The following CLIC4 variants were observed in gnomAD, a reference collection of about 807,000 sequenced individuals.
CLIC4 encodes the protein chloride intracellular channel protein 4.
In CLIC4, 13 loss-of-function variants were observed where a neutral mutation model predicts 24.6. That is an observed-to-expected ratio of 0.53 (90% CI 0.34 to 0.84). CLIC4 has a LOEUF of 0.84. Ranked by LOEUF, CLIC4 falls within the 40% of genes least tolerant of loss-of-function variation. The pLI, the probability that CLIC4 is intolerant of heterozygous loss-of-function variation, is 0.01. For synonymous variants in CLIC4, 104 were observed against 111.3 expected (o/e 0.93, Z 0.41); for missense variants, 227 against 301.7 (o/e 0.75, Z 1.83).
chr1:24,818,686 C>G (rs1639695819), intron 3 of CLIC4, among the ~76,000 whole-genome samples: 1 of 151,794 alleles, frequency 6.6e-6, no homozygotes, highest in Non-Finnish European at 1.5e-5. Context: ...GTAAATAAAA[C>G]ACAGTTCTTG....
chr1:24,794,174 A>G (rs996851610), intron 1 of CLIC4, among the ~76,000 whole-genome samples: 1 of 152,184 alleles, frequency 6.6e-6, no homozygotes, highest in South Asian at 2.1e-4. Flanking sequence ...TCTTTATGGT[A>G]GAATGATTTA....
intron 1 of CLIC4, among the ~76,000 whole-genome samples, chr1:24,769,551 A>T (rs1291176758): frequency 6.6e-6 from 1 of 152,110 alleles, no homozygotes; most frequent in Non-Finnish European, 1.5e-5. Context: ...AACTTTGTTT[A>T]TGTTATTTTT....
rs141331061 is a variant in CLIC4 at position 24,816,612 on chromosome 1, A to G, written c.308+2393A>G. On this transcript the variant is annotated intron_variant, in intron 3 of 5. Transcript: ENST00000374379. ...AGGTCACTTTGCTTTGCTCAGATCC[A>G]TCAGAGGAATCACTTTCTATGGCCT... 1.3e-3 allele frequency among the ~76,000 whole-genome samples: 193 copies of G among 152,318 alleles called. 2 individuals are homozygous for G. Among genetic ancestry groups the G allele is most frequent in the South Asian group, 4.8e-3 (23 of 4,830 alleles).
chr1:24,794,127 C>G (rs1317269310), intron 1 of CLIC4, among the ~76,000 whole-genome samples: 1 of 152,140 alleles, frequency 6.6e-6, no homozygotes, highest in Non-Finnish European at 1.5e-5. Context: ...TCTTTGCTAT[C>G]ATGAATAGTG....
intron 2 of CLIC4, among the ~76,000 whole-genome samples, chr1:24,813,038 C>CT (rs1639630410): frequency 7.9e-6 from 1 of 126,036 alleles, no homozygotes; most frequent in Non-Finnish European, 1.7e-5. Flanking sequence ...TTCTTTCTTT[C>CT]TTTCTTTCTT....
At chr1:24,819,489 G>A (rs1639704151) in intron 3 of CLIC4, among the ~76,000 whole-genome samples, 2 of 151,124 alleles carry the variant, frequency 1.3e-5, no homozygotes. Context: ...CCAGGCTGGA[G>A]TGCAATGGCA....
chr1:24,758,788 AATT>A (rs1485098148), intron 1 of CLIC4, among the ~76,000 whole-genome samples: 2 of 151,732 alleles, frequency 1.3e-5, no homozygotes, highest in African/African-American at 4.8e-5. Context: ...AGTTTGCATG[AATT>A]ATTATTTATT....
chr1:24,812,294 AT>A (rs1639622382), intron 2 of CLIC4, among the ~76,000 whole-genome samples: 1 of 152,164 alleles, frequency 6.6e-6, no homozygotes. Context: ...TAATTTTGAT[AT>A]TAGATAGTCT....
chr1:24,803,844 G>C (rs1321508526), intron 2 of CLIC4, among the ~76,000 whole-genome samples: 1 of 152,124 alleles, frequency 6.6e-6, no homozygotes, highest in African/African-American at 2.4e-5. Context: ...CTGGGACCTG[G>C]GGCGAGCTGC....
intron 2 of CLIC4, among the ~76,000 whole-genome samples, chr1:24,812,296 T>G (rs1260338879): frequency 6.6e-6 from 1 of 152,202 alleles, no homozygotes; most frequent in Admixed American, 6.5e-5. Context: ...ATTTTGATAT[T>G]AGATAGTCTA....
chr1:24,773,162 T>C (rs1054576414), intron 1 of CLIC4, among the ~76,000 whole-genome samples: 2 of 152,210 alleles, frequency 1.3e-5, no homozygotes, highest in African/African-American at 4.8e-5. Flanking sequence ...TCACCTGGAA[T>C]GTAATCTCTT....
chr1:24,837,433 A>G (rs895650495), intron 4 of CLIC4, among the ~76,000 whole-genome samples: 1 of 152,208 alleles, frequency 6.6e-6, no homozygotes, highest in African/African-American at 2.4e-5. Flanking sequence ...CCAGATCCAG[A>G]TGGCTTCACT....
chr1:24,816,362 C>T (rs1377500455), intron 3 of CLIC4, among the ~76,000 whole-genome samples: 1 of 151,376 alleles, frequency 6.6e-6, no homozygotes, highest in African/African-American at 2.4e-5. Context: ...GCTTCAGCCT[C>T]CTGAGTAGCT....
intron 2 of CLIC4, among the ~76,000 whole-genome samples, chr1:24,812,995 G>A (rs1282057427): frequency 1.3e-5 from 2 of 149,772 alleles, no homozygotes; most frequent in African/African-American, 4.9e-5. Context: ...GGGATTAGAG[G>A]CGTGAGCCAC....
intron 4 of CLIC4, among the ~76,000 whole-genome samples, chr1:24,835,121 G>A (rs957430811): frequency 6.6e-6 from 1 of 152,118 alleles, no homozygotes; most frequent in Non-Finnish European, 1.5e-5. Context: ...CCCTCTGCTG[G>A]TTATGTTTCA....
chr1:24,820,067 G>GTATATATATATATATA lies in CLIC4; in HGVS notation c.308+5859_308+5860insATATATATATATATAT, dbSNP rs751126014. ...TACTTCAAAAAAAAAAAAAAAGTAT[G>GTATATATATATATATA]TATATATATATGTATATATATATAT... On this transcript the variant is annotated intron_variant, in intron 3 of 5. Coordinates refer to ENST00000374379, the MANE Select transcript of CLIC4 (RefSeq NM_013943.3). 1.1e-3 allele frequency among the ~76,000 whole-genome samples: 41 copies of GTATATATATATATATA among 36,444 alleles called. 1 individual carries two copies. The highest frequency in any genetic ancestry group is 3.1e-3 in the African/African-American group (35 of 11,244). 23.9% of individuals were successfully genotyped at this position (36,444 alleles called of 152,430 possible). A position where few individuals can be genotyped will look rare whatever the true frequency, so the allele number is the denominator to read the frequency against.
intron 2 of CLIC4, among the ~76,000 whole-genome samples, chr1:24,808,779 C>T (rs531852071): frequency 2.0e-5 from 3 of 151,214 alleles, no homozygotes; most frequent in Non-Finnish European, 2.9e-5. Context: ...CGGGTTCAAG[C>T]GATTCTCCTG....
chr1:24,749,527 GA>G (rs1376811353), intron 1 of CLIC4, among the ~76,000 whole-genome samples: 2 of 152,182 alleles, frequency 1.3e-5, no homozygotes, highest in Non-Finnish European at 2.9e-5. Context: ...CCTTCCTTGT[GA>G]GTAGTTTTTG....
At chr1:24,752,435 A>G (rs1038465733) in intron 1 of CLIC4, among the ~76,000 whole-genome samples, 10 of 152,144 alleles carry the variant, frequency 6.6e-5, no homozygotes, top group Non-Finnish European at 1.5e-5. Context: ...TTTGTCCACT[A>G]ACTCCCAGAG....
Sources: gnomAD v4.1 joint callset for allele counts (sites outside exome capture counted in the v4.1 genomes callset) on GRCh38, gnomAD v4.1.1 for gene constraint, MANE v1.5 for transcripts, NCBI Gene and HGNC (gene_info 2026-07-23, HGNC 2026-07-21) for gene names.